The following VCF1 variants were observed in gnomAD, a reference collection of about 807,000 sequenced individuals.
The protein encoded by VCF1 is VCP nuclear cofactor family member 1, also known as protein VCF1.
chr17:73,207,605 G>A, the VCF1 span: 2 of 975,322 alleles, frequency 2.1e-6, no homozygotes, highest in Non-Finnish European at 2.9e-6. Context: ...TTCTGGTGAT[G>A]ATGGTTTTAT....
chr17:73,217,218 T>C, the VCF1 span, among the ~76,000 whole-genome samples: 3 of 152,124 alleles, frequency 2.0e-5, no homozygotes, highest in Non-Finnish European at 4.4e-5. Context: ...CCAGCCATAA[T>C]GGCAAGCACC....
the VCF1 span, among the ~76,000 whole-genome samples, chr17:73,211,425 C>T: frequency 4.6e-5 from 7 of 152,018 alleles, no homozygotes; most frequent in African/African-American, 1.4e-4. Context: ...AAAAATTAGC[C>T]GGGCATGGTG....
the VCF1 span, chr17:73,208,212 C>T: frequency 1.3e-6 from 2 of 1,597,696 alleles, no homozygotes; most frequent in Admixed American, 1.7e-5. Context: ...CTCAGCTCCG[C>T]TTGTGTGTGC....
chr17:73,209,087 G>GA, the VCF1 span: 2 of 187,626 alleles, frequency 1.1e-5, no homozygotes, highest in African/African-American at 2.4e-5. Context: ...CTATATTTTG[G>GA]AAAAAAACTT....
At chr17:73,210,863 G>C in the VCF1 span, among the ~76,000 whole-genome samples, 4 of 150,884 alleles carry the variant, frequency 2.7e-5, no homozygotes, top group African/African-American at 9.8e-5. Context: ...GCCTCTGAAA[G>C]TGCCAGGCAG....
chr17:73,212,812 G>A, the VCF1 span: 204 of 1,157,400 alleles, frequency 1.8e-4, 1 homozygote, highest in South Asian at 1.7e-3. Context: ...TATCTATTTC[G>A]TACTATAATA....
chr17:73,230,673 A>C, the VCF1 span, among the ~76,000 whole-genome samples: 26 of 152,208 alleles, frequency 1.7e-4, 1 homozygote, highest in Non-Finnish European at 3.1e-4. Context: ...CTGGGATTAC[A>C]GGCGTGAGCC....
chr17:73,218,505 G>A, the VCF1 span, among the ~76,000 whole-genome samples: 8 of 152,158 alleles, frequency 5.3e-5, no homozygotes, highest in African/African-American at 1.9e-4. Flanking sequence ...CATTTCAACA[G>A]GCCAAAAAAT....
At chr17:73,222,074 G>A in the VCF1 span, among the ~76,000 whole-genome samples, 1 of 150,106 alleles carries the variant, frequency 6.7e-6, no homozygotes, top group Admixed American at 6.6e-5. Context: ...AGGTGTAGTG[G>A]CGCACACCTG....
chr17:73,208,162 G>C, the VCF1 span: 20 of 1,529,566 alleles, frequency 1.3e-5, no homozygotes, highest in Non-Finnish European at 1.7e-5. Context: ...CTTCAAATCT[G>C]GACCGACAGC....
At chr17:73,228,516 T>C in the VCF1 span, among the ~76,000 whole-genome samples, 1 of 152,300 alleles carries the variant, frequency 6.6e-6, no homozygotes, top group Admixed American at 6.5e-5. Flanking sequence ...ATAATGAGTA[T>C]GGATCCCAGC....
the VCF1 span, among the ~76,000 whole-genome samples, chr17:73,221,706 T>G: frequency 6.6e-6 from 1 of 151,954 alleles, no homozygotes; most frequent in African/African-American, 2.4e-5. Context: ...CTGGACAACA[T>G]GAGGAGACCC....
At chr17:73,219,431 C>T in the VCF1 span, among the ~76,000 whole-genome samples, 2 of 151,314 alleles carry the variant, frequency 1.3e-5, no homozygotes, top group South Asian at 2.2e-4. Flanking sequence ...GGGTGGATCA[C>T]GAGGTCAGGA....
At chr17:73,223,397 TTCTC>T in the VCF1 span, among the ~76,000 whole-genome samples, 1 of 152,194 alleles carries the variant, frequency 6.6e-6, no homozygotes, top group African/African-American at 2.4e-5. Flanking sequence ...CACATGAAGT[TTCTC>T]TCTATATAAC....
the VCF1 span, chr17:73,212,551 T>A: frequency 1.5e-6 from 1 of 654,240 alleles, no homozygotes; most frequent in Non-Finnish European, 2.5e-6. Context: ...GAAGTCAAAG[T>A]CAAAAACAAA....
the VCF1 span, chr17:73,232,365 A>C: frequency 6.8e-7 from 1 of 1,466,902 alleles, no homozygotes; most frequent in Non-Finnish European, 9.0e-7. Context: ...TCCCAACCGC[A>C]CCGACTGGTA....
the VCF1 span, among the ~76,000 whole-genome samples, chr17:73,228,036 G>A: frequency 6.6e-6 from 1 of 152,208 alleles, no homozygotes; most frequent in Non-Finnish European, 1.5e-5. Flanking sequence ...GTAGCCACTA[G>A]CCACATATGG....
At chr17:73,232,097 G>A in the VCF1 span, 1 of 1,607,576 alleles carries the variant, frequency 6.2e-7, no homozygotes, top group Non-Finnish European at 8.5e-7. Flanking sequence ...TGGGACGGAG[G>A]CGCTCGCTCA....
the VCF1 span, chr17:73,227,225 A>G: frequency 2.5e-6 from 4 of 1,582,536 alleles, no homozygotes; most frequent in Non-Finnish European, 3.4e-6. Context: ...TCTGGGGGGG[A>G]AGATGGTTGT....
Sources: allele counts gnomAD v4.1 joint callset (sites outside exome capture counted in the v4.1 genomes callset), GRCh38; gene constraint gnomAD v4.1.1; transcripts MANE v1.5; gene names NCBI Gene and HGNC (gene_info 2026-07-23, HGNC 2026-07-21).